RBFOX1: variants seen among roughly 807,000 people sequenced by gnomAD.
RBFOX1 encodes RNA binding protein fox-1 homolog 1.
RBFOX1 carries 8 observed loss-of-function variants against 57.7 expected under a neutral mutation model. The ratio of observed to expected loss-of-function variants is 0.14; its 90% CI spans 0.08 to 0.25. The LOEUF (loss-of-function observed/expected upper bound fraction) is 0.25. Among genes scored for constraint, RBFOX1 ranks in the 10% least tolerant of loss-of-function variants. RBFOX1 has a pLI of 1.00. For synonymous variants in RBFOX1, 326 were observed against 222.4 expected (o/e 1.47, Z -4.15); for missense variants, 611 against 548.5 (o/e 1.11, Z -1.14).
intron 4 of RBFOX1, among the ~76,000 whole-genome samples, chr16:7,110,152 C>T (rs563204939): frequency 6.8e-6 from 1 of 147,918 alleles, no homozygotes; most frequent in African/African-American, 2.5e-5. Flanking sequence ...GAGTGTGAGA[C>T]CAGCCTGGGC....
intron 14 of RBFOX1, among the ~76,000 whole-genome samples, chr16:7,680,154 C>G (rs1384371126): frequency 6.6e-6 from 1 of 152,132 alleles, no homozygotes; most frequent in Non-Finnish European, 1.5e-5. Context: ...ATCACATCAG[C>G]TTGATGAATG....
At chr16:6,603,142 A>T (rs112053597) in intron 2 of RBFOX1, among the ~76,000 whole-genome samples, 3,368 of 152,296 alleles carry the variant, frequency 0.022, 120 homozygotes, top group African/African-American at 0.075. Flanking sequence ...TTCTTTACAG[A>T]TCTAAAGAGA....
intron 3 of RBFOX1, among the ~76,000 whole-genome samples, chr16:6,857,700 G>A (rs995374584): frequency 6.6e-6 from 1 of 152,180 alleles, no homozygotes; most frequent in Non-Finnish European, 1.5e-5. Flanking sequence ...GAGTGTATCA[G>A]TTGTTCATGA....
intron 3 of RBFOX1, among the ~76,000 whole-genome samples, chr16:5,856,204 T>TACAC (rs1388996244): frequency 4.5e-5 from 2 of 44,884 alleles, no homozygotes; most frequent in African/African-American, 1.3e-4. Context: ...TATATATATA[T>TACAC]ATACATATAT....
chr16:7,420,993 G>GTAC (rs1380796225), intron 4 of RBFOX1, among the ~76,000 whole-genome samples: 2 of 150,504 alleles, frequency 1.3e-5, no homozygotes, highest in Non-Finnish European at 2.9e-5. Flanking sequence ...GCGCTTTCCT[G>GTAC]AGGCTGTACA....
intron 2 of RBFOX1, among the ~76,000 whole-genome samples, chr16:6,531,847 A>G (rs2096662409): frequency 6.6e-6 from 1 of 152,244 alleles, no homozygotes; most frequent in Non-Finnish European, 1.5e-5. Context: ...GGACAGTCTC[A>G]ACTTTGTGGA....
chr16:7,337,260 C>T (rs1255959500), intron 4 of RBFOX1, among the ~76,000 whole-genome samples: 2 of 152,064 alleles, frequency 1.3e-5, no homozygotes, highest in East Asian at 1.9e-4. Context: ...GGTATTCAGG[C>T]AGGGTGGCTT....
At chr16:5,267,545 A>G (rs1376612838) in intron 1 of RBFOX1, among the ~76,000 whole-genome samples, 4 of 150,594 alleles carry the variant, frequency 2.7e-5, no homozygotes, top group African/African-American at 7.3e-5. Flanking sequence ...TGATCTGCCC[A>G]CCTCAGCCTC....
At chr16:6,105,425 C>G (rs1199258709) in intron 1 of RBFOX1, among the ~76,000 whole-genome samples, 1 of 151,924 alleles carries the variant, frequency 6.6e-6, no homozygotes, top group Non-Finnish European at 1.5e-5. Context: ...TCAGAATTAT[C>G]ACAAATTCCA....
chr16:6,991,220 A>T (rs1352912059), intron 3 of RBFOX1, among the ~76,000 whole-genome samples: 1 of 150,260 alleles, frequency 6.7e-6, no homozygotes, highest in Non-Finnish European at 1.5e-5. Flanking sequence ...GAATTACTTG[A>T]GCCTGGGAGG....
intron 2 of RBFOX1, among the ~76,000 whole-genome samples, chr16:6,353,982 C>G (rs942944824): frequency 6.6e-6 from 1 of 152,040 alleles, no homozygotes; most frequent in Admixed American, 6.6e-5. Flanking sequence ...TACTTTGGGA[C>G]GCCAAGGCCG....
intron 1 of RBFOX1, chr16:5,365,872 A>T (rs2065699495): frequency 2.0e-6 from 1 of 510,154 alleles, no homozygotes; most frequent in East Asian, 5.4e-5. Context: ...CTCAAGGCTG[A>T]CAAAGATGAT....
At chr16:5,344,474 C>G (rs528980923) in intron 1 of RBFOX1, among the ~76,000 whole-genome samples, 5 of 152,312 alleles carry the variant, frequency 3.3e-5, no homozygotes, top group East Asian at 1.9e-4. Flanking sequence ...ATTTTGTTCC[C>G]TCTTAACTAC....
chr16:6,662,794 T>A (rs552780270), intron 3 of RBFOX1, among the ~76,000 whole-genome samples: 2 of 132,136 alleles, frequency 1.5e-5, no homozygotes, highest in East Asian at 4.2e-4. Flanking sequence ...TTAGAGTTAC[T>A]TTCTACATAT....
At chr16:7,266,983 A>G (rs1022708657) in intron 4 of RBFOX1, among the ~76,000 whole-genome samples, 1 of 152,110 alleles carries the variant, frequency 6.6e-6, no homozygotes, top group African/African-American at 2.4e-5. Flanking sequence ...CACTGAGACC[A>G]AAAAGCTCCC....
At chr16:6,302,017 G>T (rs1053861888) in intron 1 of RBFOX1, among the ~76,000 whole-genome samples, 1 of 152,044 alleles carries the variant, frequency 6.6e-6, no homozygotes, top group Non-Finnish European at 1.5e-5. Flanking sequence ...CAGGTTTTCA[G>T]TTCTTACCAC....
In RBFOX1 at chr16:7,046,603, CTTTT is replaced by C. The variant is rs59921108; in HGVS notation, c.-15-5434_-15-5431del. On this transcript the variant is annotated intron_variant, in intron 3 of 15. Transcript: ENST00000550418. ...TGTTTCTGTAGTCTTTGTGTTTTATCTTTTTTTTTTTTTTTTTTTTTTTGGAGTT... is the reference window on the plus strand; with the variant it reads ...TGTTTCTGTAGTCTTTGTGTTTTATCTTTTTTTTTTTTTTTTTTTGGAGTT... Among the ~76,000 whole-genome samples, 744 of 84,998 alleles carry C rather than the reference CTTTT, an allele frequency of 8.8e-3. 5 individuals carry two copies. Among genetic ancestry groups the C allele is most frequent in the African/African-American group, 0.031 (675 of 21,932 alleles). 55.8% of individuals were successfully genotyped at this position (84,998 alleles called of 152,430 possible).
chr16:6,565,626 C>A (rs762544809), intron 2 of RBFOX1, among the ~76,000 whole-genome samples: 2 of 150,904 alleles, frequency 1.3e-5, no homozygotes, highest in Non-Finnish European at 2.9e-5. Context: ...TGCTACCACG[C>A]CTGGCTATTT....
intron 2 of RBFOX1, among the ~76,000 whole-genome samples, chr16:6,328,738 C>A (rs1400894150): frequency 6.8e-6 from 1 of 145,990 alleles, no homozygotes; most frequent in Non-Finnish European, 1.5e-5. Flanking sequence ...AATAAAAATT[C>A]CTTTTTGGGA....
Sources: allele counts gnomAD v4.1 joint callset (sites outside exome capture counted in the v4.1 genomes callset), GRCh38; gene constraint gnomAD v4.1.1; transcripts MANE v1.5; gene names NCBI Gene and HGNC (gene_info 2026-07-23, HGNC 2026-07-21).